Variants in RIMS2 observed in about 807,000 individuals in gnomAD.
The protein encoded by RIMS2 is regulating synaptic membrane exocytosis protein 2.
In RIMS2, 59 loss-of-function variants were observed where a neutral mutation model predicts 174.4. The observed-to-expected ratio is 0.34, with a 90% CI of 0.27 to 0.42. The LOEUF is 0.42. Among genes scored for constraint, RIMS2 ranks in the 10% least tolerant of loss-of-function variants. The pLI is 1.00. For missense variants in RIMS2, 1,620 were observed against 1,666.3 expected (o/e 0.97, Z 0.48); for synonymous variants, 606 against 572.5 (o/e 1.06, Z -0.84).
At chr8:103,996,285 A>G (rs1303564024) in intron 17 of RIMS2, among the ~76,000 whole-genome samples, 1 of 151,762 alleles carries the variant, frequency 6.6e-6, no homozygotes, top group Non-Finnish European at 1.5e-5. Context: ...TTGGAAAAAA[A>G]GTGATGTGCT....
chr8:103,877,930 A>G (rs933351296), intron 3 of RIMS2, among the ~76,000 whole-genome samples: 3 of 149,972 alleles, frequency 2.0e-5, no homozygotes, highest in Non-Finnish European at 3.0e-5. Flanking sequence ...TTGTAGTTCT[A>G]CTTGTAGAGA....
At chr8:104,217,001 A>T (rs550199627) in intron 19 of RIMS2, among the ~76,000 whole-genome samples, 1 of 152,366 alleles carries the variant, frequency 6.6e-6, no homozygotes, top group African/African-American at 2.4e-5. Flanking sequence ...CATCATCATT[A>T]TTATAAAGGG....
chr8:103,697,228 A>C (rs1366504515), exon 2 of RIMS2: 1 of 1,613,834 alleles, frequency 6.2e-7, no homozygotes, highest in East Asian at 2.2e-5. Flanking sequence ...ATGTGGCCAT[A>C]ACTGTTCATA....
chr8:104,198,559 T>C (rs907740613), intron 19 of RIMS2, among the ~76,000 whole-genome samples: 1 of 152,210 alleles, frequency 6.6e-6, no homozygotes, highest in South Asian at 2.1e-4. Context: ...AAATAACTAA[T>C]TCTTACAAAT....
chr8:103,598,379 A>G (rs1438317413), intron 1 of RIMS2, among the ~76,000 whole-genome samples: 1 of 152,224 alleles, frequency 6.6e-6, no homozygotes, highest in Non-Finnish European at 1.5e-5. Context: ...ATAGGCTGAG[A>G]GACTAAGATG....
chr8:104,159,939 G>A (rs2098750854), intron 19 of RIMS2, among the ~76,000 whole-genome samples: 2 of 152,248 alleles, frequency 1.3e-5, no homozygotes, highest in South Asian at 2.1e-4. Flanking sequence ...AGGAGTTCAA[G>A]AGCAGTCTAG....
chr8:104,249,582 C>T lies in RIMS2; in HGVS notation c.3685C>T (p.Leu1229=). The change falls in exon 22 of 24, where the codon CTG becomes TTG. Residue 1229 remains leucine, a synonymous_variant. Coordinates refer to ENST00000504942, the Ensembl canonical transcript of RIMS2. The stretch of plus-strand genomic sequence containing the variant: ...TGTTGTAAAACCAGGTTCCAAGACA[C>T]TGCCAGGTAAAAACAAAAGAGATTT... The T allele has an allele frequency of 1.9e-6, 3 of 1,569,218 alleles. No individual in the cohort carries two copies. In the South Asian group the frequency reaches 3.3e-5, roughly 17 times the overall value.
chr8:103,629,492 C>A (rs1251673012), intron 1 of RIMS2, among the ~76,000 whole-genome samples: 1 of 151,788 alleles, frequency 6.6e-6, no homozygotes, highest in Non-Finnish European at 1.5e-5. Flanking sequence ...CTGCAGCCCA[C>A]AAAAATAAGC....
At chr8:103,876,119 T>G (rs1222324753) in intron 3 of RIMS2, among the ~76,000 whole-genome samples, 2 of 151,932 alleles carry the variant, frequency 1.3e-5, no homozygotes, top group African/African-American at 4.8e-5. Flanking sequence ...TAATTAAGTC[T>G]TATTTATTTT....
chr8:104,191,702 G>A lies in RIMS2; in HGVS notation c.3335-53214G>A, dbSNP rs2098998661. ...TTTGCTAATAATAAACAATTAAATA[G>A]CACAATGAAAATTTGTTAGTGTAGA... On this transcript the variant is annotated intron_variant, in intron 19 of 23. Coordinates refer to ENST00000504942, the Ensembl canonical transcript of RIMS2. Among the ~76,000 whole-genome samples, 5 of 152,220 alleles carry A rather than the reference G, an allele frequency of 3.3e-5. No homozygotes were observed. The South Asian group carries it at 1.0e-3, about 32-fold the overall frequency.
At chr8:103,569,200 G>C (rs139587130) in intron 1 of RIMS2, among the ~76,000 whole-genome samples, 44 of 152,238 alleles carry the variant, frequency 2.9e-4, no homozygotes, top group Admixed American at 1.2e-3. Context: ...TCCCCTTGGA[G>C]TTAATTTTAT....
intron 17 of RIMS2, among the ~76,000 whole-genome samples, chr8:104,012,515 TGGATG>T (rs923285804): frequency 3.3e-5 from 5 of 152,212 alleles, no homozygotes; most frequent in Non-Finnish European, 5.9e-5. Context: ...TGCTTACAAC[TGGATG>T]GGGAGGTGAT....
At chr8:103,634,316 T>G (rs2096019608) in intron 1 of RIMS2, among the ~76,000 whole-genome samples, 1 of 152,242 alleles carries the variant, frequency 6.6e-6, no homozygotes, top group Non-Finnish European at 1.5e-5. Context: ...AATTTCCATG[T>G]AATTGTATTG....
At chr8:103,599,615 TTTTTTTG>T (rs1451545046) in intron 1 of RIMS2, among the ~76,000 whole-genome samples, 106 of 151,384 alleles carry the variant, frequency 7.0e-4, no homozygotes, top group African/African-American at 2.5e-3. Context: ...ATTAATTAAT[TTTTTTTG>T]TTTTGTTTTG....
chr8:103,551,016 G>C (rs80328984), intron 1 of RIMS2, among the ~76,000 whole-genome samples: 3 of 152,066 alleles, frequency 2.0e-5, no homozygotes, highest in Non-Finnish European at 4.4e-5. Flanking sequence ...TTCTACCAGA[G>C]GTACAAAGAT....
chr8:103,699,060 A>G (rs1435374018), intron 2 of RIMS2, among the ~76,000 whole-genome samples: 1 of 152,316 alleles, frequency 6.6e-6, no homozygotes. Flanking sequence ...TCTTTCTTGA[A>G]TAAGGTTTCA....
At chr8:103,936,572 T>G (rs2081294132) in exon 13 of RIMS2, 1 of 1,588,242 alleles carries the variant, frequency 6.3e-7, no homozygotes, top group Non-Finnish European at 8.6e-7. Context: ...AGAGAAGAAC[T>G]AAAACAGTAA....
chr8:103,723,398 A>G (rs531586285), intron 2 of RIMS2, among the ~76,000 whole-genome samples: 2 of 152,384 alleles, frequency 1.3e-5, no homozygotes, highest in East Asian at 1.9e-4. Context: ...CAGAGATTCT[A>G]GACCAAGTGT....
intron 1 of RIMS2, among the ~76,000 whole-genome samples, chr8:103,644,970 A>G (rs1436444548): frequency 6.6e-6 from 1 of 151,964 alleles, no homozygotes; most frequent in Non-Finnish European, 1.5e-5. Context: ...GCCCATTTAC[A>G]TATTTATTTC....
Sources: allele counts gnomAD v4.1 joint callset (sites outside exome capture counted in the v4.1 genomes callset), GRCh38; gene constraint gnomAD v4.1.1; transcripts MANE v1.5; gene names NCBI Gene and HGNC (gene_info 2026-07-23, HGNC 2026-07-21).